Variants in RPS3 observed in about 807,000 individuals in gnomAD.
The protein encoded by RPS3 is ribosomal protein S3, also known as small ribosomal subunit protein uS3.
In RPS3, 2 loss-of-function variants were observed where a neutral mutation model predicts 25.8. The observed-to-expected ratio is 0.08, with a 90% CI of 0.03 to 0.24. The LOEUF (loss-of-function observed/expected upper bound fraction) is 0.24. Ranked by LOEUF, RPS3 falls within the 10% of genes least tolerant of loss-of-function variation. RPS3 has a pLI of 1.00. For synonymous variants in RPS3, 114 were observed against 114.2 expected (o/e 1.00, Z 0.01); for missense variants, 107 against 307.1 (o/e 0.35, Z 4.87).
At chr11:75,405,197 C>T (rs554620227) in intron 6 of RPS3, 13 of 198,568 alleles carry the variant, frequency 6.5e-5, no homozygotes, top group Non-Finnish European at 1.2e-4. Flanking sequence ...CTGTCTCAGC[C>T]TCCCGAGTAG....
At chr11:75,405,294 C>G in intron 6 of RPS3, 1 of 206,100 alleles carries the variant, frequency 4.9e-6, no homozygotes, top group East Asian at 1.4e-4. Context: ...CCAGGCTGGT[C>G]TCAGACTCCT....
At chr11:75,401,207 G>T (rs1484531797) in intron 2 of RPS3, among the ~76,000 whole-genome samples, 2 of 152,190 alleles carry the variant, frequency 1.3e-5, no homozygotes, top group African/African-American at 4.8e-5. Context: ...AACTTAAGGG[G>T]ACAGACGGAA....
intron 6 of RPS3, among the ~76,000 whole-genome samples, chr11:75,417,021 A>G (rs944112649): frequency 6.6e-6 from 1 of 152,226 alleles, no homozygotes; most frequent in African/African-American, 2.4e-5. Flanking sequence ...AAGCATGACC[A>G]TGGTGAGAAG....
downstream of RPS3, among the ~76,000 whole-genome samples, chr11:75,408,333 T>G (rs1167124054): frequency 1.3e-5 from 2 of 152,116 alleles, no homozygotes; most frequent in East Asian, 3.9e-4. Flanking sequence ...TGAAACCCTG[T>G]CTCTACGAAG....
At chr11:75,411,291 T>C (rs1409443806), downstream of RPS3, among the ~76,000 whole-genome samples, 1 of 152,184 alleles carries the variant, frequency 6.6e-6, no homozygotes, top group Non-Finnish European at 1.5e-5. Flanking sequence ...GGAATACAGA[T>C]GTGAGCCACT....
rs750848881 is a variant in RPS3 at position 75,401,630 on chromosome 11, TC to T, written c.162-3del. Reference sequence around the variant, plus strand: ...TGTGAGAATCTTGAATTGTCACTTTTCCCCCCCAGAACACAGAATGTTCTTG... The same window carrying T: ...TGTGAGAATCTTGAATTGTCACTTTTCCCCCCAGAACACAGAATGTTCTTG... On this transcript the variant is annotated splice_polypyrimidine_tract_variant and intron_variant, in intron 2 of 6. Transcript: ENST00000531188. 25 of 1,582,532 alleles carry T rather than the reference TC, an allele frequency of 1.6e-5. No homozygotes were observed. The highest frequency in any genetic ancestry group is 2.0e-5 in the Non-Finnish European group (23 of 1,151,456).
At chr11:75,414,641 T>C (rs529003551) in intron 6 of RPS3, among the ~76,000 whole-genome samples, 2 of 151,894 alleles carry the variant, frequency 1.3e-5, no homozygotes, top group Admixed American at 1.3e-4. Context: ...TAAAAAAGGT[T>C]ATTCTCAGGC....
chr11:75,417,438 A>G lies in RPS3; in HGVS notation c.*4-4289A>G, dbSNP rs181868531. On this transcript the variant is annotated intron_variant, in intron 6 of 6. Coordinates refer to the RPS3 transcript ENST00000527446. ...GTAAAACCCCGTCTCTACTAAAAAT[A>G]CAAAAAAAATTAGCCAGGCGTGGTG... Among the ~76,000 whole-genome samples the G allele has an allele frequency of 2.2e-3, 341 of 152,266 alleles. 2 individuals carry two copies. The highest frequency in any genetic ancestry group is 8.0e-3 in the African/African-American group (332 of 41,558).
rs779102234 is a variant in RPS3, at chr11:75,402,375, T to G, written c.279T>G (p.Thr93=). 6 of 1,613,944 alleles carry G rather than the reference T, an allele frequency of 3.7e-6. No individual in the cohort carries two copies. The highest frequency in any genetic ancestry group is 5.1e-6 in the Non-Finnish European group (6 of 1,179,754). ...SVELYAEKVA[T]RGLCAIAQAE... is the part of the protein sequence containing the mutation. Reference sequence around the variant, plus strand: ...AGCTTTATGCTGAAAAGGTGGCCACTAGAGGTCTGTGTGCCATTGCCCAGG... The same window carrying G: ...AGCTTTATGCTGAAAAGGTGGCCACGAGAGGTCTGTGTGCCATTGCCCAGG... The change falls in exon 4 of 7, where the codon ACT becomes ACG. Residue 93 remains threonine (T), a synonymous_variant. Transcript: ENST00000531188.
chr11:75,407,425 A>G (rs561758598), downstream of RPS3, among the ~76,000 whole-genome samples: 10 of 152,354 alleles, frequency 6.6e-5, no homozygotes, highest in Middle Eastern at 3.4e-3. Flanking sequence ...GGCGTGAGCC[A>G]CCGCACCCAG....
intron 1 of RPS3, chr11:75,400,443 G>C (rs1187296273): frequency 1.7e-6 from 1 of 579,974 alleles, no homozygotes; most frequent in Admixed American, 1.9e-5. Context: ...TCTTTGCCCA[G>C]GTGGCCTACT....
Position 75,420,317 on chromosome 11 carries a change from A to G in RPS3, c.*4-1410A>G, listed in dbSNP as rs1274662233. Among the ~76,000 whole-genome samples the G allele has an allele frequency of 2.0e-5, 3 of 152,372 alleles. No individual in the cohort carries two copies. The East Asian group carries it at 5.8e-4, about 29-fold the overall frequency. On this transcript the variant is annotated intron_variant, in intron 6 of 6. Coordinates refer to the RPS3 transcript ENST00000527446. The stretch of plus-strand genomic sequence containing the variant: ...TTTGTGAACCTCTCTTATCAGGGAC[A>G]AGAACCATGTGTCCATCTAGCTGCA...
intron 6 of RPS3, among the ~76,000 whole-genome samples, chr11:75,421,464 T>C: frequency 6.6e-6 from 1 of 152,114 alleles, no homozygotes; most frequent in South Asian, 2.1e-4. Context: ...TATGGTGTCT[T>C]TTGTTCCCTT....
chr11:75,407,672 G>A (rs1184562229), downstream of RPS3, among the ~76,000 whole-genome samples: 5 of 151,916 alleles, frequency 3.3e-5, no homozygotes, highest in East Asian at 3.9e-4. Context: ...GGGTTTCACC[G>A]TGTTAGCCAG....
intron 6 of RPS3, among the ~76,000 whole-genome samples, chr11:75,418,785 C>A (rs1482496361): frequency 6.6e-6 from 1 of 152,210 alleles, no homozygotes; most frequent in Non-Finnish European, 1.5e-5. Context: ...GCTGCCTGGT[C>A]CAGTGCTGTG....
intron 6 of RPS3, among the ~76,000 whole-genome samples, chr11:75,413,548 G>A (rs1371085256): frequency 6.6e-6 from 1 of 152,140 alleles, no homozygotes; most frequent in African/African-American, 2.4e-5. Flanking sequence ...GAGCCACCGC[G>A]CCCAGCCCTT....
chr11:75,418,847 G>A (rs1044697077), intron 6 of RPS3, among the ~76,000 whole-genome samples: 6 of 152,172 alleles, frequency 3.9e-5, no homozygotes, highest in Non-Finnish European at 8.8e-5. Context: ...ACCGAGCAGG[G>A]AGTTCCACTG....
chr11:75,407,168 T>G (rs1003569680), downstream of RPS3, among the ~76,000 whole-genome samples: 2 of 152,240 alleles, frequency 1.3e-5, no homozygotes, highest in East Asian at 3.8e-4. Flanking sequence ...GGTGGAGTTT[T>G]GCTCTTGTGT....
chr11:75,403,896 G>A (rs1024224938), intron 4 of RPS3, 124 bp from the exon 5 acceptor site: 4 of 845,062 alleles, frequency 4.7e-6, no homozygotes, highest in Non-Finnish European at 7.3e-6. Flanking sequence ...GTATTCTTGG[G>A]GCCGGACTCT....
Sources: gnomAD v4.1 joint callset for allele counts (sites outside exome capture counted in the v4.1 genomes callset) on GRCh38, gnomAD v4.1.1 for gene constraint, MANE v1.5 for transcripts, NCBI Gene and HGNC (gene_info 2026-07-23, HGNC 2026-07-21) for gene names.